Variants in GIT2 observed in about 807,000 individuals in gnomAD.
GIT2 encodes ARF GTPase-activating protein GIT2.
Under a neutral mutation model 100.3 loss-of-function variants are expected in GIT2, and 32 were observed. The ratio of observed to expected loss-of-function variants is 0.32; its 90% CI spans 0.24 to 0.43. GIT2 has a LOEUF of 0.43. GIT2 is among the 20% of genes least tolerant of loss of function. The probability of loss-of-function intolerance (pLI) is 1.00; values close to 1 mark genes in which losing one functional copy is unlikely to be tolerated. For missense variants in GIT2, 737 were observed against 975.1 expected (o/e 0.76, Z 3.25); for synonymous variants, 353 against 364.1 (o/e 0.97, Z 0.35).
At position 109,939,145 on chromosome 12, in the gene GIT2, C is replaced by T. The variant is rs771611175; in HGVS notation, c.1814+20G>A. 39 of 1,539,670 alleles carry T rather than the reference C, an allele frequency of 2.5e-5. No homozygotes were observed. The South Asian group carries it at 3.1e-4, about 12-fold the overall frequency. On this transcript the variant is annotated intron_variant, in intron 17 of 19. Coordinates refer to ENST00000355312, the MANE Select transcript of GIT2 (RefSeq NM_057169.5). Reference sequence around the variant, plus strand: ...GCCCTGGGGAGCCCCTCCCCTGGCACGCTCGTCCTGTGCATGTACCCCATG... The same window carrying T: ...GCCCTGGGGAGCCCCTCCCCTGGCATGCTCGTCCTGTGCATGTACCCCATG...
rs561943823 is a variant in GIT2 at position 109,933,428 on chromosome 12, G to A, written c.2068-238C>T. ...TGCAGGGTAATTTTAGTAGTATGTG[G>A]TATTTTGAAGTAGTTTTTGAAAAAT... On this transcript the variant is annotated intron_variant, in intron 19 of 19. Transcript: ENST00000355312. This position sits in a 1 kb window ranked among gnomAD's most constrained non-coding sequence, Gnocchi z 4.5. 1 of 410,946 alleles carries A rather than the reference G, an allele frequency of 2.4e-6. No individual in the cohort carries two copies. Among genetic ancestry groups the A allele is most frequent in the African/African-American group, 2.0e-5 (1 of 50,262 alleles). 25.5% of individuals were successfully genotyped at this position (410,946 alleles called of 1,614,324 possible). A position where few individuals can be genotyped will look rare whatever the true frequency, so the allele number is the denominator to read the frequency against.
At chr12:109,939,043 C>CT in intron 17 of GIT2, 122 bp downstream of exon 17, 1 of 681,872 alleles carries the variant, frequency 1.5e-6, no homozygotes, top group South Asian at 1.6e-5. Context: ...TACTTTAAGA[C>CT]TTTATGAGTC....
At chr12:109,991,904 C>T (rs1888473066) in intron 1 of GIT2, 144 bp from the exon 2 acceptor site, 1 of 652,850 alleles carries the variant, frequency 1.5e-6, no homozygotes, top group African/African-American at 1.8e-5. Flanking sequence ...GGCTGGTCAT[C>T]TTGTTGGATG....
At chr12:109,982,320 C>T (rs1410876422) in intron 6 of GIT2, 2 of 152,198 alleles carry the variant, frequency 1.3e-5, no homozygotes, top group African/African-American at 4.8e-5. Context: ...AATGAAGAAA[C>T]CCTATATATG....
intron 11 of GIT2, among the ~76,000 whole-genome samples, chr12:109,960,982 G>A (rs758878773): frequency 1.9e-4 from 29 of 152,132 alleles, no homozygotes; most frequent in Non-Finnish European, 2.9e-4. Context: ...TAATTTGACT[G>A]ATAAAACTTG....
At chr12:109,949,522 C>A (rs1350531827) in intron 14 of GIT2, among the ~76,000 whole-genome samples, 1 of 152,032 alleles carries the variant, frequency 6.6e-6, no homozygotes, top group Admixed American at 6.6e-5. Context: ...ATTTTAATGA[C>A]GTTTATCTTA....
intron 7 of GIT2, among the ~76,000 whole-genome samples, chr12:109,975,298 A>T (rs1479398439): frequency 6.6e-6 from 1 of 151,820 alleles, no homozygotes; most frequent in Non-Finnish European, 1.5e-5. Flanking sequence ...TGACCTCCTG[A>T]GCTCAAGTGA....
intron 4 of GIT2, among the ~76,000 whole-genome samples, chr12:109,988,751 G>A (rs962171510): frequency 6.6e-6 from 1 of 151,354 alleles, no homozygotes; most frequent in Non-Finnish European, 1.5e-5. Context: ...TACCTAGGAG[G>A]CTGAGGCAGG....
At position 109,930,061 on chromosome 12, in the gene GIT2, T is replaced by C. The variant is rs77649287; in HGVS notation, c.*2917A>G. On this transcript the variant is annotated 3_prime_UTR_variant, in exon 20 of 20. Coordinates refer to ENST00000355312, the MANE Select transcript of GIT2 (RefSeq NM_057169.5). ...ACTATTGGAAAGCTCATGGGTGCCA[T>C]TGAGGACAAAAACAGGCGAGTTTTG... 6.9e-3 allele frequency: 1,061 copies of C among 152,744 alleles called. 1 individual carries two copies. Among genetic ancestry groups the C allele is most frequent in the Non-Finnish European group, 9.6e-3 (652 of 68,024 alleles). 9.5% of individuals were successfully genotyped at this position (152,744 alleles called of 1,614,324 possible).
At chr12:109,975,339 G>A (rs1234065731) in intron 7 of GIT2, among the ~76,000 whole-genome samples, 1 of 152,046 alleles carries the variant, frequency 6.6e-6, no homozygotes, top group African/African-American at 2.4e-5. Flanking sequence ...CTGAGTAGCT[G>A]AGACTATGGG....
In GIT2 at chr12:109,934,951, G is replaced by T. The variant is rs2136128618; in HGVS notation, c.2004-866C>A. ...AAATTAGCTGGGCATTGTGGCGCATGCCTGTAATCCCAGCTACTCAGGAGG... is the reference window on the plus strand; with the variant it reads ...AAATTAGCTGGGCATTGTGGCGCATTCCTGTAATCCCAGCTACTCAGGAGG... On this transcript the variant is annotated intron_variant, in intron 18 of 19. Transcript: ENST00000355312. This position sits in a 1 kb window ranked among gnomAD's most constrained non-coding sequence, Gnocchi z 4.5. 6.6e-6 allele frequency among the ~76,000 whole-genome samples: 1 copy of T among 152,146 alleles called. No individual in the cohort carries two copies. The highest frequency in any genetic ancestry group is 2.1e-4 in the South Asian group (1 of 4,826).
chr12:109,944,025 G>T (rs1226090339), intron 16 of GIT2, among the ~76,000 whole-genome samples: 1 of 152,038 alleles, frequency 6.6e-6, no homozygotes, highest in Non-Finnish European at 1.5e-5. Context: ...TTCCAAAAGG[G>T]TCAGGGCATG....
chr12:109,986,201 A>G (rs1023145864), intron 4 of GIT2, among the ~76,000 whole-genome samples: 9 of 152,148 alleles, frequency 5.9e-5, no homozygotes. Context: ...TGTGAAGCCA[A>G]CATCAGCCTG....
chr12:109,983,847 C>T, intron 4 of GIT2, 153 bp from the exon 5 acceptor site: 1 of 588,248 alleles, frequency 1.7e-6, no homozygotes, highest in South Asian at 2.0e-5. Context: ...TCTCCTTTGC[C>T]AGTCACAACT....
chr12:109,989,909 G>T, intron 2 of GIT2, 107 bp from the exon 3 acceptor site: 1 of 698,682 alleles, frequency 1.4e-6, no homozygotes, highest in Non-Finnish European at 2.6e-6. Context: ...ACACTCATTT[G>T]TTAGGAATAT....
chr12:109,953,312 T>G, intron 12 of GIT2, 78 bp from the exon 13 acceptor site: 1 of 1,494,336 alleles, frequency 6.7e-7, no homozygotes, highest in Non-Finnish European at 9.2e-7. Flanking sequence ...GAGGATTTTT[T>G]GGTTTAGCCA....
chr12:109,965,700 C>T, intron 8 of GIT2, 123 bp from the exon 9 acceptor site: 1 of 789,820 alleles, frequency 1.3e-6, no homozygotes, highest in Non-Finnish European at 2.3e-6. Flanking sequence ...TAGAACCAAG[C>T]ATTCTACAGC....
intron 7 of GIT2, among the ~76,000 whole-genome samples, chr12:109,980,380 T>G (rs1886076476): frequency 6.6e-6 from 1 of 151,952 alleles, no homozygotes; most frequent in Non-Finnish European, 1.5e-5. Flanking sequence ...AAGCTTTATT[T>G]ATTTATTTAT....
At chr12:109,982,373 G>A (rs1207618084) in intron 6 of GIT2, 2 of 152,138 alleles carry the variant, frequency 1.3e-5, no homozygotes, top group African/African-American at 2.4e-5. Flanking sequence ...AATCCCATAT[G>A]GTCTTGCCTC....
Sources: gnomAD v4.1 joint callset for allele counts (sites outside exome capture counted in the v4.1 genomes callset) on GRCh38, gnomAD v4.1.1 for gene constraint, Gnocchi (gnomAD v3.1) non-coding constraint, MANE v1.5 for transcripts, NCBI Gene and HGNC (gene_info 2026-07-23, HGNC 2026-07-21) for gene names.